FIGN: variants seen among roughly 807,000 people sequenced by gnomAD.
The protein encoded by FIGN is fidgetin.
A neutral mutation model predicts 51.3 loss-of-function variants in FIGN; 11 were observed. The observed-to-expected ratio is 0.21, with a 90% CI of 0.13 to 0.35. The LOEUF (loss-of-function observed/expected upper bound fraction) is 0.35, where lower values mean the gene tolerates loss of function less well. FIGN is among the 10% of genes least tolerant of loss of function. FIGN has a pLI of 1.00. For synonymous variants in FIGN, 407 were observed against 363.2 expected (o/e 1.12, Z -1.37); for missense variants, 857 against 943.6 (o/e 0.91, Z 1.20).
intron 2 of FIGN, among the ~76,000 whole-genome samples, chr2:163,633,861 C>T (rs1008584483): frequency 1.1e-4 from 17 of 152,132 alleles, no homozygotes; most frequent in African/African-American, 3.9e-4. Flanking sequence ...TGGGCACAAA[C>T]TGAACATGTA....
At chr2:163,681,799 A>G (rs1318181724) in intron 2 of FIGN, among the ~76,000 whole-genome samples, 1 of 152,188 alleles carries the variant, frequency 6.6e-6, no homozygotes, top group African/African-American at 2.4e-5. Flanking sequence ...CGCTTTTCCT[A>G]CTGGCTTATG....
intron 2 of FIGN, among the ~76,000 whole-genome samples, chr2:163,635,536 C>T (rs1683211339): frequency 6.6e-6 from 1 of 152,152 alleles, no homozygotes; most frequent in African/African-American, 2.4e-5. Context: ...CTACTGCATT[C>T]CTGCCTGGGC....
At chr2:163,726,760 A>C (rs933912532) in intron 2 of FIGN, among the ~76,000 whole-genome samples, 1 of 152,134 alleles carries the variant, frequency 6.6e-6, no homozygotes, top group African/African-American at 2.4e-5. Context: ...CCTTAGATCC[A>C]TGTAATTCCT....
chr2:163,718,851 G>A (rs1248609944), intron 2 of FIGN, among the ~76,000 whole-genome samples: 1 of 151,750 alleles, frequency 6.6e-6, no homozygotes. Flanking sequence ...GAGAGAGAGA[G>A]AGAGAGAGAG....
chr2:163,696,993 G>A (rs919386798), intron 2 of FIGN, among the ~76,000 whole-genome samples: 2 of 151,708 alleles, frequency 1.3e-5, no homozygotes, highest in Admixed American at 1.3e-4. Flanking sequence ...TTGGAGACTA[G>A]GATATAGATA....
At chr2:163,672,671 A>T (rs546423546) in intron 2 of FIGN, among the ~76,000 whole-genome samples, 1 of 152,328 alleles carries the variant, frequency 6.6e-6, no homozygotes, top group Non-Finnish European at 1.5e-5. Flanking sequence ...TCTGGCAGCC[A>T]GCATAACAAA....
chr2:163,665,107 C>T (rs1683752323), intron 2 of FIGN, among the ~76,000 whole-genome samples: 1 of 152,232 alleles, frequency 6.6e-6, no homozygotes, highest in African/African-American at 2.4e-5. Context: ...TTCAATTTCA[C>T]AGTCTTTTGC....
intron 2 of FIGN, among the ~76,000 whole-genome samples, chr2:163,657,685 G>C (rs1361310491): frequency 6.6e-6 from 1 of 152,120 alleles, no homozygotes; most frequent in East Asian, 1.9e-4. Flanking sequence ...TGTGGTGGTA[G>C]GAGGGAGGCA....
In FIGN at chr2:163,659,089, G is replaced by T. The variant is rs147682970; in HGVS notation, c.26-47283C>A. ...AAATTTCTTCTTTTCTTACTAAATG[G>T]TCAGATGTTCTATAGTAATTACAAA... On this transcript the variant is annotated intron_variant, in intron 2 of 2. Transcript: ENST00000333129. Among the ~76,000 whole-genome samples, 375 of 151,916 alleles carry T rather than the reference G, an allele frequency of 2.5e-3. 2 individuals are homozygous for T. Among genetic ancestry groups the T allele is most frequent in the Middle Eastern group, 0.01 (3 of 294 alleles).
At chr2:163,612,210 G>C in intron 2 of FIGN, 6 of 590,520 alleles carry the variant, frequency 1.0e-5, no homozygotes, top group Non-Finnish European at 1.3e-5. Context: ...TAAATATCTT[G>C]CACATGGCAG....
intron 2 of FIGN, among the ~76,000 whole-genome samples, chr2:163,655,516 A>AC (rs1438238364): frequency 6.6e-6 from 1 of 152,142 alleles, no homozygotes; most frequent in Non-Finnish European, 1.5e-5. Context: ...TCCTAGCCCC[A>AC]CCATCAAATT....
intron 2 of FIGN, among the ~76,000 whole-genome samples, chr2:163,638,656 A>C (rs766370197): frequency 6.6e-6 from 1 of 152,194 alleles, no homozygotes; most frequent in South Asian, 2.1e-4. Context: ...AACTGGGTAG[A>C]TGCAAAAATT....
At chr2:163,635,269 T>C (rs1403626954) in intron 2 of FIGN, among the ~76,000 whole-genome samples, 1 of 152,206 alleles carries the variant, frequency 6.6e-6, no homozygotes, top group Non-Finnish European at 1.5e-5. Context: ...AAATATTATG[T>C]TTAAAAGTCT....
In FIGN at chr2:163,610,333, T is replaced by C. The variant is rs377719119; in HGVS notation, c.1499A>G (p.Glu500Gly). 42 of 1,614,036 alleles carry C rather than the reference T, an allele frequency of 2.6e-5. No homozygotes were observed. Among genetic ancestry groups the C allele is most frequent in the Admixed American group, 3.3e-5 (2 of 59,998 alleles). The change falls in exon 3 of 3, where the codon GAG becomes GGG. Residue 500 changes from glutamate to glycine, a missense_variant. By Grantham distance (98) the Glu-to-Gly change is moderately conservative. Around this residue, in one of 3 missense-constraint regions of FIGN, gnomAD observed 799 missense variants for 849.5 expected, o/e 0.94. Transcript: ENST00000333129. Reference sequence around the variant, plus strand: ...CCTCAACACTGGCCATAAAACCTCCTCTTTAATGACAGCCTTCACCAGGTC... The same window carrying C: ...CCTCAACACTGGCCATAAAACCTCCCCTTTAATGACAGCCTTCACCAGGTC... ...GLDLVKAVIK[E>G]EVLWPVLRSD...
chr2:163,650,576 T>C (rs1216421900), intron 2 of FIGN, among the ~76,000 whole-genome samples: 3 of 151,656 alleles, frequency 2.0e-5, no homozygotes, highest in Admixed American at 1.3e-4. Flanking sequence ...GTGTGAGATG[T>C]TCCCCTCCCT....
Position 163,610,638 on chromosome 2 carries a change from A to C in FIGN, c.1194T>G (p.Ala398=). ...CAGTACTGTAGGAAGGAGGGGTCAG[A>C]GCCCTACTGGACTGGCTGCTGAATT... is the stretch of plus-strand genomic sequence containing the variant. ...QRKFSSQSSR[A]LTPPSYSTAK... is the part of the protein sequence containing the mutation. Residue 398 remains alanine, a synonymous_variant, in exon 3 of 3, where the codon GCT becomes GCG. Transcript: ENST00000333129. 6.2e-7 allele frequency: 1 copy of C among 1,614,202 alleles called. No individual in the cohort carries two copies. The highest frequency in any genetic ancestry group is 1.1e-5 in the South Asian group (1 of 91,080).
chr2:163,633,527 C>G (rs946570191), intron 2 of FIGN, among the ~76,000 whole-genome samples: 3 of 152,140 alleles, frequency 2.0e-5, no homozygotes, highest in African/African-American at 7.2e-5. Context: ...CCTCCACAAA[C>G]CTGTTTCAGG....
At chr2:163,722,359 T>C (rs569098825) in intron 2 of FIGN, among the ~76,000 whole-genome samples, 325 of 152,286 alleles carry the variant, frequency 2.1e-3, no homozygotes, top group Admixed American at 7.1e-3. Flanking sequence ...AAACTGCCTA[T>C]TTATCAGAGA....
At chr2:163,677,639 T>A (rs893975323) in intron 2 of FIGN, among the ~76,000 whole-genome samples, 2 of 152,250 alleles carry the variant, frequency 1.3e-5, no homozygotes, top group Non-Finnish European at 2.9e-5. Context: ...GATATTAAAA[T>A]AACTTCTTAT....
Sources: gnomAD v4.1 joint callset for allele counts (sites outside exome capture counted in the v4.1 genomes callset) on GRCh38, gnomAD v4.1.1 for gene constraint, gnomAD v4.1.1 regional missense constraint, MANE v1.5 for transcripts, NCBI Gene and HGNC (gene_info 2026-07-23, HGNC 2026-07-21) for gene names.